The following SLC6A15 variants were observed in gnomAD, a reference collection of about 807,000 sequenced individuals.
SLC6A15 encodes solute carrier family 6 member 15.
Under a neutral mutation model 68.5 loss-of-function variants are expected in SLC6A15, and 33 were observed. That is an observed-to-expected ratio of 0.48 (90% CI 0.37 to 0.64). The LOEUF (loss-of-function observed/expected upper bound fraction) is 0.64. Among genes scored for constraint, SLC6A15 ranks in the 30% least tolerant of loss-of-function variants. The pLI, the probability that SLC6A15 is intolerant of heterozygous loss-of-function variation, is 0.00. For missense variants in SLC6A15, 747 were observed against 874.3 expected (o/e 0.85, Z 1.84); for synonymous variants, 347 against 301.0 (o/e 1.15, Z -1.58).
At chr12:84,877,217 GTC>G (rs1227880693) in intron 5 of SLC6A15, among the ~76,000 whole-genome samples, 7 of 152,080 alleles carry the variant, frequency 4.6e-5, no homozygotes, top group African/African-American at 7.2e-5. Context: ...GGCCTAATAG[GTC>G]TCTAAAATAT....
At chr12:84,880,665 G>A (rs1390122976) in intron 5 of SLC6A15, among the ~76,000 whole-genome samples, 4 of 152,058 alleles carry the variant, frequency 2.6e-5, no homozygotes, top group Non-Finnish European at 5.9e-5. Flanking sequence ...TTAAAACTGG[G>A]AAATGATACA....
In SLC6A15 at chr12:84,864,184, C is replaced by G. The variant is rs536635141; in HGVS notation, c.1656-583G>C. Among the ~76,000 whole-genome samples the G allele has an allele frequency of 2.0e-3, 302 of 151,130 alleles. 3 individuals are homozygous for G. Among genetic ancestry groups the G allele is most frequent in the Middle Eastern group, 7.5e-3 (2 of 268 alleles). On this transcript the variant is annotated intron_variant, in intron 10 of 11. Transcript: ENST00000266682. ...AGCATTAAAAGCATAATAATAATTC[C>G]TTAATATCATCAAATATACCTAATC...
chr12:84,883,922 G>A lies in SLC6A15; in HGVS notation c.693C>T (p.Cys231=), dbSNP rs2120636314. 1 of 1,614,096 alleles carries A rather than the reference G, an allele frequency of 6.2e-7. No individual in the cohort carries two copies. The highest frequency in any genetic ancestry group is 8.5e-7 in the Non-Finnish European group (1 of 1,179,970). Residue 231 remains cysteine (C), a synonymous_variant, in exon 5 of 12, where the codon TGC becomes TGT. Coordinates refer to ENST00000266682, the MANE Select transcript of SLC6A15 (RefSeq NM_182767.6). ...SGGLNWKMTI[C]LLAAWVMVCL... Reference sequence around the variant, plus strand: ...AAACCATGACCCAGGCAGCCAACAAGCAGATGGTCATCTTCCAGTTTAAGC... The same window carrying A: ...AAACCATGACCCAGGCAGCCAACAAACAGATGGTCATCTTCCAGTTTAAGC...
At position 84,861,950 on chromosome 12, in the gene SLC6A15, C is replaced by T. The variant is rs749157590; in HGVS notation, c.1875G>A (p.Leu625=). 1.2e-6 allele frequency: 2 copies of T among 1,613,370 alleles called. No homozygotes were observed. Among genetic ancestry groups the T allele is most frequent in the Non-Finnish European group, 1.7e-6 (2 of 1,179,702 alleles). ...GGACTGGGAGTATTGCAAAGACAAC[C>T]AGAGAGACACAAACAACCAGTCCCC... ...PTWGLVVCVS[L]VVFAILPVPV... The change falls in exon 12 of 12, where the codon CTG becomes CTA. Residue 625 remains leucine (L), a synonymous_variant. Coordinates refer to ENST00000266682, the MANE Select transcript of SLC6A15 (RefSeq NM_182767.6).
intron 6 of SLC6A15, 111 bp from the exon 7 acceptor site, chr12:84,873,439 G>T: frequency 1.6e-6 from 2 of 1,228,786 alleles, no homozygotes. Flanking sequence ...TGCATCCAAA[G>T]TTTATTTAAA....
chr12:84,872,510 T>G, intron 8 of SLC6A15, 92 bp downstream of exon 8: 3 of 1,028,402 alleles, frequency 2.9e-6, no homozygotes, highest in Non-Finnish European at 4.2e-6. Flanking sequence ...TCTTCGGGCA[T>G]TTTAAGGCCC....
At chr12:84,887,141 A>T (rs1036826460) in intron 2 of SLC6A15, among the ~76,000 whole-genome samples, 1 of 152,128 alleles carries the variant, frequency 6.6e-6, no homozygotes, top group South Asian at 2.1e-4. Context: ...CTTACATTCA[A>T]TTTTTTAATC....
intron 1 of SLC6A15, among the ~76,000 whole-genome samples, chr12:84,907,073 G>A (rs1316859521): frequency 6.6e-6 from 1 of 152,140 alleles, no homozygotes. Flanking sequence ...ACCGTTGCCA[G>A]GCGCGGTGGC....
chr12:84,861,624 T>TC lies in SLC6A15; in HGVS notation c.*7dup. On this transcript the variant is annotated 3_prime_UTR_variant, in exon 12 of 12. Transcript: ENST00000266682. ...GAACCAAATAAAACCCACTGACTTTTCCCCCAGCTACAAATCAGATTCTGG... is the reference window on the plus strand; with the variant it reads ...GAACCAAATAAAACCCACTGACTTTTCCCCCCAGCTACAAATCAGATTCTGG... The TC allele has an allele frequency of 6.3e-7, 1 of 1,581,718 alleles. No homozygotes were observed. The highest frequency in any genetic ancestry group is 1.4e-5 in the African/African-American group (1 of 73,968).
In SLC6A15 at chr12:84,870,058, C is replaced by T. The variant is rs79029208; in HGVS notation, c.1495+420G>A. 1.2e-3 allele frequency among the ~76,000 whole-genome samples: 175 copies of T among 151,828 alleles called. 1 individual carries two copies. Among genetic ancestry groups the T allele is most frequent in the African/African-American group, 4.0e-3 (164 of 41,456 alleles). On this transcript the variant is annotated intron_variant, in intron 9 of 11. Coordinates refer to ENST00000266682, the MANE Select transcript of SLC6A15 (RefSeq NM_182767.6). ...TTACTACTGCTGCTGTATATGAGAA[C>T]GGGATTTAGGTTTATCATTTTCAGC... is the stretch of plus-strand genomic sequence containing the variant.
At chr12:84,901,315 T>A (rs1034946387) in intron 1 of SLC6A15, among the ~76,000 whole-genome samples, 4 of 151,776 alleles carry the variant, frequency 2.6e-5, no homozygotes, top group African/African-American at 9.7e-5. Context: ...ATTTTCCTTT[T>A]CTTGTTTTAC....
intron 1 of SLC6A15, among the ~76,000 whole-genome samples, chr12:84,907,364 CA>C (rs113002334): frequency 2.0e-5 from 3 of 148,922 alleles, no homozygotes; most frequent in African/African-American, 7.4e-5. Context: ...AAACAAAAAA[CA>C]AAAAAAAACT....
Position 84,891,888 on chromosome 12 carries a change from G to T in SLC6A15, c.233C>A (p.Ser78Tyr). 6.2e-7 allele frequency: 1 copy of T among 1,614,020 alleles called. No individual in the cohort carries two copies. The highest frequency in any genetic ancestry group is 8.5e-7 in the Non-Finnish European group (1 of 1,179,974). The stretch of plus-strand genomic sequence containing the variant: ...TCGCCACACATTTCCTAAACCTACA[G>T]AAAATCCAACTTGGGCCAGGATGTA... ...LQYILAQVGFSVGLGNVWRFP... is the reference protein window; with the variant it reads ...LQYILAQVGFYVGLGNVWRFP... The change falls in exon 2 of 12, where the codon TCT becomes TAT. Residue 78 changes from serine (S) to tyrosine (Y), a missense_variant. Ser to Tyr is a moderately radical substitution (Grantham distance 144). Transcript: ENST00000266682.
intron 2 of SLC6A15, among the ~76,000 whole-genome samples, chr12:84,891,267 A>C (rs1872376924): frequency 6.6e-6 from 1 of 152,218 alleles, no homozygotes; most frequent in Admixed American, 6.5e-5. Flanking sequence ...TGGAAAGGAA[A>C]TGCATAAAAT....
chr12:84,864,492 G>C (rs11116638), intron 10 of SLC6A15, among the ~76,000 whole-genome samples: 3,134 of 151,714 alleles, frequency 0.021, 71 homozygotes, highest in South Asian at 0.094. Context: ...GCTGATTTTT[G>C]TATTTTTAGT....
At chr12:84,888,105 A>G (rs1228071231) in intron 2 of SLC6A15, among the ~76,000 whole-genome samples, 1 of 151,426 alleles carries the variant, frequency 6.6e-6, no homozygotes, top group Non-Finnish European at 1.5e-5. Context: ...AAAGGAAAAA[A>G]AAAAACAGCT....
rs1447949364 is a variant in SLC6A15 at position 84,861,479 on chromosome 12, A to G, written c.*153T>C. Reference sequence around the variant, plus strand: ...AACCAAAGAATCCAAAAGAATGCTCAAGTTGAACTGACATATACTGTTAGG... The same window carrying G: ...AACCAAAGAATCCAAAAGAATGCTCGAGTTGAACTGACATATACTGTTAGG... On this transcript the variant is annotated 3_prime_UTR_variant, in exon 12 of 12. Transcript: ENST00000266682. 1.3e-6 allele frequency: 1 copy of G among 782,508 alleles called. No homozygotes were observed. The highest frequency in any genetic ancestry group is 3.0e-5 in the South Asian group (1 of 33,206). 48.5% of individuals were successfully genotyped at this position (782,508 alleles called of 1,614,324 possible). A position where few individuals can be genotyped will look rare whatever the true frequency, so the allele number is the denominator to read the frequency against.
In SLC6A15 at chr12:84,883,744, C is replaced by A. The variant is rs150856371; in HGVS notation, c.756+115G>T. 1.9e-6 allele frequency: 3 copies of A among 1,610,930 alleles called. No homozygotes were observed. The East Asian group carries it at 6.7e-5, about 36-fold the overall frequency. On this transcript the variant is annotated intron_variant, in intron 5 of 11. Transcript: ENST00000266682. Reference sequence around the variant, plus strand: ...GTCACTTTTCACTAATATTTAACTACCTAGAATGAAGTGTTATGTGTGATT... The same window carrying A: ...GTCACTTTTCACTAATATTTAACTAACTAGAATGAAGTGTTATGTGTGATT...
At chr12:84,863,141 T>C (rs545098865) in intron 11 of SLC6A15, among the ~76,000 whole-genome samples, 2 of 152,154 alleles carry the variant, frequency 1.3e-5, no homozygotes, top group Non-Finnish European at 2.9e-5. Context: ...AGAGTTTTGA[T>C]TAATATGTTT....
Sources: gnomAD v4.1 joint callset for allele counts (sites outside exome capture counted in the v4.1 genomes callset) on GRCh38, gnomAD v4.1.1 for gene constraint, MANE v1.5 for transcripts, NCBI Gene and HGNC (gene_info 2026-07-23, HGNC 2026-07-21) for gene names.